The following PPFIA2 variants were observed in gnomAD, a reference collection of about 807,000 sequenced individuals.
PPFIA2 encodes liprin-alpha-2.
Under a neutral mutation model 175.5 loss-of-function variants are expected in PPFIA2, and 46 were observed. The ratio of observed to expected loss-of-function variants is 0.26; its 90% CI spans 0.21 to 0.34. The LOEUF (loss-of-function observed/expected upper bound fraction) is 0.34. Ranked by LOEUF, PPFIA2 falls within the 10% of genes least tolerant of loss-of-function variation. The pLI, the probability that PPFIA2 is intolerant of heterozygous loss-of-function variation, is 1.00. For synonymous variants in PPFIA2, 568 were observed against 511.4 expected, an observed-to-expected ratio of 1.11 and a Z score of -1.49; for missense variants, 1,179 against 1,506.1, an observed-to-expected ratio of 0.78 and a Z score of 3.60.
intron 13 of PPFIA2, among the ~76,000 whole-genome samples, chr12:81,367,740 T>C (rs2033929692): frequency 6.6e-6 from 1 of 151,694 alleles, no homozygotes; most frequent in Non-Finnish European, 1.5e-5. Context: ...GTTGGCATCA[T>C]AGATACTTAA....
At position 81,758,448 on chromosome 12, in the gene PPFIA2, A is replaced by G. The variant is rs1218889621; in HGVS notation, c.-51T>C. ...TTGCTTCTTCAATTGATCAATGACA[A>G]CCGCAGTCTCCGGCTTGAGGAGAAG... On this transcript the variant is annotated 5_prime_UTR_variant, in exon 2 of 33. Coordinates refer to ENST00000549396, the MANE Select transcript of PPFIA2 (RefSeq NM_003625.5). The G allele has an allele frequency of 2.2e-6, 1 of 456,526 alleles. No individual in the cohort carries two copies. The highest frequency in any genetic ancestry group is 4.4e-6 in the Non-Finnish European group (1 of 226,754). 28.3% of individuals were successfully genotyped at this position (456,526 alleles called of 1,614,324 possible).
intron 3 of PPFIA2, among the ~76,000 whole-genome samples, chr12:81,729,237 G>A (rs1167494124): frequency 2.0e-5 from 3 of 151,432 alleles, no homozygotes; most frequent in Admixed American, 6.6e-5. Flanking sequence ...CACTGAACTT[G>A]AATAAATGGA....
At chr12:81,361,379 C>T (rs1251579584) in intron 15 of PPFIA2, among the ~76,000 whole-genome samples, 1 of 151,584 alleles carries the variant, frequency 6.6e-6, no homozygotes, top group Non-Finnish European at 1.5e-5. Context: ...GAACACATAA[C>T]ATTGAAATAA....
chr12:81,565,489 C>A (rs181959342), intron 4 of PPFIA2, among the ~76,000 whole-genome samples: 209 of 152,282 alleles, frequency 1.4e-3, no homozygotes, highest in African/African-American at 4.9e-3. Flanking sequence ...TCCTGTCTAT[C>A]TATCTACCTA....
chr12:81,695,128 T>C (rs896211454), intron 3 of PPFIA2, among the ~76,000 whole-genome samples: 1 of 152,156 alleles, frequency 6.6e-6, no homozygotes, highest in Non-Finnish European at 1.5e-5. Context: ...TTTGAACTTT[T>C]GAGTTTACAC....
At chr12:81,675,199 TACACAC>T (rs34965629) in intron 4 of PPFIA2, among the ~76,000 whole-genome samples, 49 of 148,656 alleles carry the variant, frequency 3.3e-4, no homozygotes, top group African/African-American at 5.4e-4. Flanking sequence ...TATACACACA[TACACAC>T]ACACACACAC....
At chr12:81,313,793 C>G (rs1322023363) in intron 22 of PPFIA2, among the ~76,000 whole-genome samples, 1 of 152,010 alleles carries the variant, frequency 6.6e-6, no homozygotes, top group Non-Finnish European at 1.5e-5. Context: ...AGCCTACTAG[C>G]TATCTAGGAA....
chr12:81,432,674 G>A (rs536006016), intron 7 of PPFIA2, among the ~76,000 whole-genome samples: 1 of 151,870 alleles, frequency 6.6e-6, no homozygotes, highest in South Asian at 2.1e-4. Flanking sequence ...GGTCAGGCTG[G>A]TCTTGAACTC....
chr12:81,407,487 TAAAA>T (rs1592515355), intron 7 of PPFIA2, among the ~76,000 whole-genome samples: 1 of 136,036 alleles, frequency 7.4e-6, no homozygotes, highest in East Asian at 2.3e-4. Context: ...TGTCTTAAAA[TAAAA>T]TAAAATAAAA....
chr12:81,649,450 C>A (rs1383232974), intron 4 of PPFIA2, among the ~76,000 whole-genome samples: 2 of 152,174 alleles, frequency 1.3e-5, no homozygotes, highest in African/African-American at 4.8e-5. Context: ...TTAGAATTCT[C>A]ATACATTATT....
chr12:81,414,007 T>C (rs770008198), intron 7 of PPFIA2, among the ~76,000 whole-genome samples: 3 of 151,894 alleles, frequency 2.0e-5, no homozygotes, highest in African/African-American at 4.8e-5. Flanking sequence ...ACAATTTACA[T>C]ACATTACCTC....
chr12:81,541,975 TCA>T (rs1367674175), intron 4 of PPFIA2, among the ~76,000 whole-genome samples: 1 of 151,986 alleles, frequency 6.6e-6, no homozygotes, highest in Non-Finnish European at 1.5e-5. Context: ...GAACTCATGT[TCA>T]GTTTAATATA....
chr12:81,544,050 T>C (rs1214651535), intron 4 of PPFIA2, among the ~76,000 whole-genome samples: 2 of 152,062 alleles, frequency 1.3e-5, no homozygotes, highest in Admixed American at 6.6e-5. Flanking sequence ...GCCAAAGAGA[T>C]ACGAATAAAG....
At chr12:81,640,727 T>C (rs2064850292) in intron 4 of PPFIA2, among the ~76,000 whole-genome samples, 1 of 152,156 alleles carries the variant, frequency 6.6e-6, no homozygotes, top group Admixed American at 6.5e-5. Flanking sequence ...TTCACAATAC[T>C]ACCAAGAAAA....
chr12:81,319,299 T>A (rs938617831), intron 22 of PPFIA2, among the ~76,000 whole-genome samples: 1 of 151,834 alleles, frequency 6.6e-6, no homozygotes, highest in Non-Finnish European at 1.5e-5. Flanking sequence ...TTCTTTTTAC[T>A]AACAAATTTC....
chr12:81,676,373 A>T (rs2153569573), intron 4 of PPFIA2, among the ~76,000 whole-genome samples: 1 of 152,126 alleles, frequency 6.6e-6, no homozygotes, highest in East Asian at 1.9e-4. Context: ...ATTTCCTGGA[A>T]GCTTCCTGAA....
chr12:81,671,138 C>T (rs1213078807), intron 4 of PPFIA2, among the ~76,000 whole-genome samples: 1 of 151,872 alleles, frequency 6.6e-6, no homozygotes, highest in Admixed American at 6.6e-5. Context: ...TCCCTCATTT[C>T]CCCCTTGAAA....
At chr12:81,723,802 A>G (rs1193396088) in intron 3 of PPFIA2, among the ~76,000 whole-genome samples, 1 of 150,964 alleles carries the variant, frequency 6.6e-6, no homozygotes, top group Non-Finnish European at 1.5e-5. Context: ...TAATGGGATA[A>G]TTCCCCTTTA....
intron 22 of PPFIA2, chr12:81,302,800 CA>C: frequency 2.8e-6 from 1 of 362,054 alleles, no homozygotes; most frequent in Admixed American, 3.1e-5. Context: ...CGGCACCATA[CA>C]AAATTTATAA....
Sources: allele counts gnomAD v4.1 joint callset (sites outside exome capture counted in the v4.1 genomes callset), GRCh38; gene constraint gnomAD v4.1.1; transcripts MANE v1.5; gene names NCBI Gene and HGNC (gene_info 2026-07-23, HGNC 2026-07-21).